Variants in HTR6 observed in about 807,000 individuals in gnomAD.
HTR6 encodes the protein 5-hydroxytryptamine receptor 6.
A neutral mutation model predicts 17.4 loss-of-function variants in HTR6; 15 were observed. That is an observed-to-expected ratio of 0.86 (90% CI 0.58 to 1.33). The LOEUF (loss-of-function observed/expected upper bound fraction) is 1.33. Among genes scored for constraint, HTR6 ranks in the 40% most tolerant of loss-of-function variants. HTR6 has a pLI of 0.00. For missense variants in HTR6, 578 were observed against 616.0 expected (o/e 0.94, Z 0.65); for synonymous variants, 326 against 295.5 (o/e 1.10, Z -1.06).
At position 19,679,390 on chromosome 1, in the gene HTR6, T is replaced by C. The variant is rs200223758; in HGVS notation, c.*22T>C. ...CTGACCCGGGCTTGGGGCTGGCCAA[T>C]GGGGAGCTGGATTGAGCAGAACCCA... On this transcript the variant is annotated 3_prime_UTR_variant, in exon 3 of 3. Coordinates refer to ENST00000289753, the MANE Select transcript of HTR6 (RefSeq NM_000871.3). The surrounding 1 kb of genome is among the most constrained non-coding windows in gnomAD (Gnocchi z 4.9). 100 of 1,551,080 alleles carry C rather than the reference T, an allele frequency of 6.4e-5. No individual in the cohort carries two copies. In the African/African-American group the frequency reaches 1.2e-3, roughly 18 times the overall value.
At chr1:19,672,797 A>G (rs1328510569) in intron 1 of HTR6, among the ~76,000 whole-genome samples, 1 of 152,214 alleles carries the variant, frequency 6.6e-6, no homozygotes, top group Non-Finnish European at 1.5e-5. Context: ...TGGGAGGCCA[A>G]GGCAGGAGGA....
intron 1 of HTR6, among the ~76,000 whole-genome samples, chr1:19,675,430 CTCTACCCTT>C (rs1395790602): frequency 1.2e-4 from 19 of 152,160 alleles, no homozygotes; most frequent in African/African-American, 4.6e-4. Flanking sequence ...GTAGAGTGTC[CTCTACCCTT>C]TCTGAGCCTC....
At position 19,679,177 on chromosome 1, in the gene HTR6, TCA is replaced by T; in HGVS notation, c.1133_1134del (p.Ser378Ter). ...QVLPLPLPPD[S>X]DSDSDAGSGG... ...GCTGCCGCTGCCCCTGCCGCCGGAC[TCA>T]GATTCGGACTCAGACGCAGGCTCAG... On this transcript the variant is annotated frameshift_variant, in exon 3 of 3. Transcript: ENST00000289753. LOFTEE classifies it low-confidence loss of function (END_TRUNC). The surrounding 1 kb of genome is among the most constrained non-coding windows in gnomAD (Gnocchi z 4.9). 1.3e-6 allele frequency: 2 copies of T among 1,590,212 alleles called. No individual in the cohort carries two copies. The highest frequency in any genetic ancestry group is 1.7e-6 in the Non-Finnish European group (2 of 1,170,586).
chr1:19,673,115 T>C (rs1275226523), intron 1 of HTR6, among the ~76,000 whole-genome samples: 2 of 152,240 alleles, frequency 1.3e-5, no homozygotes, highest in Non-Finnish European at 2.9e-5. Context: ...ACCATCATTA[T>C]CAAACAGCTG....
chr1:19,679,799 T>G lies in HTR6; in HGVS notation c.*431T>G, dbSNP rs2095099558. 6.6e-6 allele frequency among the ~76,000 whole-genome samples: 1 copy of G among 152,246 alleles called. No homozygotes were observed. Among genetic ancestry groups the G allele is most frequent in the Non-Finnish European group, 1.5e-5 (1 of 68,050 alleles). On this transcript the variant is annotated 3_prime_UTR_variant, in exon 3 of 3. Coordinates refer to ENST00000289753, the MANE Select transcript of HTR6 (RefSeq NM_000871.3). The surrounding 1 kb of genome is among the most constrained non-coding windows in gnomAD (Gnocchi z 4.9). The stretch of plus-strand genomic sequence containing the variant: ...AGTGTAGTCCATGGACAATCGGCAT[T>G]GCCGTCACCTTTGGGAGTTTGTGAA...
At chr1:19,671,156 C>T (rs572449495) in intron 1 of HTR6, among the ~76,000 whole-genome samples, 29 of 152,176 alleles carry the variant, frequency 1.9e-4, no homozygotes, top group African/African-American at 6.7e-4. Flanking sequence ...GATGCTTCAC[C>T]CAGCAAACAT....
Position 19,666,421 on chromosome 1 carries a change from C to A in HTR6, c.668C>A (p.Ala223Asp). 1.9e-6 allele frequency: 3 copies of A among 1,613,136 alleles called. No individual in the cohort carries two copies. Among genetic ancestry groups the A allele is most frequent in the Non-Finnish European group, 2.5e-6 (3 of 1,179,856 alleles). The change falls in exon 1 of 3, where the codon GCC becomes GAC. Residue 223 changes from alanine to aspartate, a missense_variant. By Grantham distance (126) the Ala-to-Asp change is moderately radical (BLOSUM62 -2). Transcript: ENST00000289753. This position sits in a 1 kb window ranked among gnomAD's most constrained non-coding sequence, Gnocchi z 4.5. ...LAARKQAVQV[A>D]SLTTGMASQA... is the part of the protein sequence containing the mutation. Reference sequence around the variant, plus strand: ...GCCCGCAAGCAGGCCGTGCAGGTGGCCTCCCTCACCACCGGCATGGCCAGT... The same window carrying A: ...GCCCGCAAGCAGGCCGTGCAGGTGGACTCCCTCACCACCGGCATGGCCAGT...
chr1:19,678,854 C>A (rs559329574), intron 2 of HTR6, 65 bp from the exon 3 acceptor site: 2 of 1,558,692 alleles, frequency 1.3e-6, no homozygotes, highest in Admixed American at 3.6e-5. Flanking sequence ...CTGCTCCATA[C>A]ATGCTGGGAA....
In HTR6 at chr1:19,666,740, C is replaced by G. The variant is rs1288490142; in HGVS notation, c.714+273C>G. Among the ~76,000 whole-genome samples, 2 of 152,070 alleles carry G rather than the reference C, an allele frequency of 1.3e-5. No homozygotes were observed. On this transcript the variant is annotated intron_variant, in intron 1 of 2. Coordinates refer to ENST00000289753, the MANE Select transcript of HTR6 (RefSeq NM_000871.3). This position sits in a 1 kb window ranked among gnomAD's most constrained non-coding sequence, Gnocchi z 4.5. ...CTCTCCCCATCTTTGCCTCCCTGGTCTTCCCCATCATGGCAAATGGCACCA... is the reference window on the plus strand; with the variant it reads ...CTCTCCCCATCTTTGCCTCCCTGGTGTTCCCCATCATGGCAAATGGCACCA...
In HTR6 at chr1:19,680,248, C is replaced by T. The variant is rs1051621563; in HGVS notation, c.*880C>T. 1.3e-5 allele frequency among the ~76,000 whole-genome samples: 2 copies of T among 152,218 alleles called. No homozygotes were observed. The highest frequency in any genetic ancestry group is 4.8e-5 in the African/African-American group (2 of 41,440). ...TGTTACGACCCCCGGCTATCCAGCC[C>T]CCTGGCCTCTCCGGCTGTGTGTCAG... On this transcript the variant is annotated 3_prime_UTR_variant, in exon 3 of 3. Transcript: ENST00000289753.
At position 19,665,655 on chromosome 1, in the gene HTR6, T is replaced by C; in HGVS notation, c.-99T>C. On this transcript the variant is annotated 5_prime_UTR_variant, in exon 1 of 3. Coordinates refer to ENST00000289753, the MANE Select transcript of HTR6 (RefSeq NM_000871.3). The surrounding 1 kb of genome is among the most constrained non-coding windows in gnomAD (Gnocchi z 4.2). ...CCGGGGGGCGTGGTGAGTCGCGGTC[T>C]GTTCTCACGGACGGTCCCCGTCCAG... is the stretch of plus-strand genomic sequence containing the variant. The C allele has an allele frequency of 1.3e-6, 1 of 794,232 alleles. No homozygotes were observed. 49.2% of individuals were successfully genotyped at this position (794,232 alleles called of 1,614,324 possible).
rs769851406 is a variant in HTR6 at position 19,666,130 on chromosome 1, T to A, written c.377T>A (p.Leu126Gln). 1.1e-5 allele frequency: 17 copies of A among 1,612,314 alleles called. No individual in the cohort carries two copies. Among genetic ancestry groups the A allele is most frequent in the Middle Eastern group, 1.6e-4 (1 of 6,062 alleles). Residue 126 changes from leucine to glutamine, a missense_variant, in exon 1 of 3, where the codon CTG (leucine) becomes CAG (glutamine). Coordinates refer to ENST00000289753, the MANE Select transcript of HTR6 (RefSeq NM_000871.3). This position sits in a 1 kb window ranked among gnomAD's most constrained non-coding sequence, Gnocchi z 4.5. ...NLCLISLDRY[L>Q]LILSPLRYKL... Reference sequence around the variant, plus strand: ...TGCCTCATCAGCCTGGACCGCTACCTGCTCATCCTCTCGCCGCTGCGCTAC... The same window carrying A: ...TGCCTCATCAGCCTGGACCGCTACCAGCTCATCCTCTCGCCGCTGCGCTAC...
At chr1:19,676,100 TC>T (rs759741671) in intron 1 of HTR6, among the ~76,000 whole-genome samples, 1 of 152,034 alleles carries the variant, frequency 6.6e-6, no homozygotes, top group Non-Finnish European at 1.5e-5. Context: ...AAGGACAGGC[TC>T]CCCAACAGTG....
intron 1 of HTR6, among the ~76,000 whole-genome samples, chr1:19,668,833 A>G (rs1426157927): frequency 2.0e-5 from 3 of 152,228 alleles, no homozygotes. Flanking sequence ...CATAAATAGA[A>G]GGTGATCACA....
At chr1:19,675,025 T>C (rs1570585547) in intron 1 of HTR6, among the ~76,000 whole-genome samples, 1 of 152,298 alleles carries the variant, frequency 6.6e-6, no homozygotes, top group East Asian at 1.9e-4. Flanking sequence ...GTGACAGCCA[T>C]TGGCTTCTGC....
Position 19,678,741 on chromosome 1 carries a change from G to C in HTR6, c.873+16G>C, listed in dbSNP as rs200889844. Reference sequence around the variant, plus strand: ...CATAGTCCAGGTAATGCCACGGCAGGGGGCAGGTGAGTCCGGCCCTTGCAG... The same window carrying C: ...CATAGTCCAGGTAATGCCACGGCAGCGGGCAGGTGAGTCCGGCCCTTGCAG... On this transcript the variant is annotated intron_variant, in intron 2 of 2. Transcript: ENST00000289753. 23 of 1,600,934 alleles carry C rather than the reference G, an allele frequency of 1.4e-5. No individual in the cohort carries two copies. In the East Asian group the frequency reaches 5.2e-4, roughly 36 times the overall value.
At position 19,679,268 on chromosome 1, in the gene HTR6, C is replaced by T. The variant is rs1306549236; in HGVS notation, c.1223C>T (p.Pro408Leu). The change falls in exon 3 of 3, where the codon CCC (proline) becomes CTC (leucine). Residue 408 changes from proline to leucine, a missense_variant. Transcript: ENST00000289753. This position sits in a 1 kb window ranked among gnomAD's most constrained non-coding sequence, Gnocchi z 4.9. The stretch of plus-strand genomic sequence containing the variant: ...CTTCCTGGCGAGGCCACCCAGGACC[C>T]CCCGCTGCCCACCAGGGCCGCTGCC... ...LLLPGEATQD[P>L]PLPTRAAAAV... The T allele has an allele frequency of 6.2e-7, 1 of 1,603,262 alleles. No homozygotes were observed. Among genetic ancestry groups the T allele is most frequent in the Non-Finnish European group, 8.5e-7 (1 of 1,176,664 alleles).
chr1:19,671,062 C>T (rs944808549), intron 1 of HTR6, among the ~76,000 whole-genome samples: 7 of 152,178 alleles, frequency 4.6e-5, no homozygotes, highest in African/African-American at 1.4e-4. Flanking sequence ...ACAGTGCCTG[C>T]CCTCTTGAAA....
intron 1 of HTR6, among the ~76,000 whole-genome samples, chr1:19,671,450 T>C (rs1001443289): frequency 2.3e-4 from 35 of 152,212 alleles, no homozygotes; most frequent in Non-Finnish European, 5.0e-4. Context: ...TGCAGGCCGT[T>C]TTCCTGATTG....
Sources: allele counts gnomAD v4.1 joint callset (sites outside exome capture counted in the v4.1 genomes callset), GRCh38; gene constraint gnomAD v4.1.1; non-coding constraint Gnocchi (gnomAD v3.1); transcripts MANE v1.5; gene names NCBI Gene and HGNC (gene_info 2026-07-23, HGNC 2026-07-21).